The following SHTN1 variants were observed in gnomAD, a reference collection of about 807,000 sequenced individuals.
The protein encoded by SHTN1 is shootin 1.
In SHTN1, 42 loss-of-function variants were observed where a neutral mutation model predicts 83.1. The observed-to-expected ratio is 0.51, with a 90% CI of 0.39 to 0.65. The LOEUF (loss-of-function observed/expected upper bound fraction) is 0.65. Ranked by LOEUF, SHTN1 falls within the 30% of genes least tolerant of loss-of-function variation. The probability of loss-of-function intolerance (pLI) is 0.00; values close to 1 mark genes in which losing one functional copy is unlikely to be tolerated. For missense variants in SHTN1, 622 were observed against 737.8 expected, an observed-to-expected ratio of 0.84 and a Z score of 1.82; for synonymous variants, 224 against 247.7, an observed-to-expected ratio of 0.90 and a Z score of 0.90.
Position 116,899,506 on chromosome 10 carries a change from G to GGTGTGTGTGT in SHTN1, c.1673+2249_1673+2258dup, listed in dbSNP as rs370396879. On this transcript the variant is annotated intron_variant, in intron 16 of 16. Coordinates refer to ENST00000355371, the MANE Select transcript of SHTN1 (RefSeq NM_001127211.3). ...AAGGGAAGTTAGAGTGGCTGGGGCT[G>GGTGTGTGTGT]GTGTGTGTGTGTGTGTGTGTGTGTG... 5.4e-3 allele frequency among the ~76,000 whole-genome samples: 671 copies of GGTGTGTGTGT among 124,554 alleles called. 7 individuals carry two copies. Among genetic ancestry groups the GGTGTGTGTGT allele is most frequent in the African/African-American group, 0.017 (565 of 34,162 alleles). The allele number at this position is 124,554 out of a possible 152,430, so 81.7% of individuals were successfully genotyped here.
chr10:117,049,445 A>G (rs1852711710), intron 1 of SHTN1, among the ~76,000 whole-genome samples: 1 of 152,244 alleles, frequency 6.6e-6, no homozygotes. Context: ...GAGTTTCTAT[A>G]ACAAGGGAGA....
chr10:116,940,066 G>T (rs1392859771), intron 9 of SHTN1, among the ~76,000 whole-genome samples: 1 of 152,086 alleles, frequency 6.6e-6, no homozygotes, highest in East Asian at 1.9e-4. Flanking sequence ...CATTTTCTTT[G>T]AATAAAACCT....
rs537895756 is a variant in SHTN1 at position 116,910,778 on chromosome 10, A to G, written c.1359+1012T>C. On this transcript the variant is annotated intron_variant, in intron 14 of 16. Coordinates refer to ENST00000355371, the MANE Select transcript of SHTN1 (RefSeq NM_001127211.3). ...TTTCTGATCAAAGAATCTATTAGAT[A>G]ATCACCACATGCTTTTTCAATGGCT... 9.2e-5 allele frequency among the ~76,000 whole-genome samples: 14 copies of G among 152,328 alleles called. No individual in the cohort carries two copies. In the South Asian group the frequency reaches 1.2e-3, roughly 14 times the overall value.
chr10:116,987,732 T>G (rs992501965), intron 1 of SHTN1, among the ~76,000 whole-genome samples: 15 of 152,026 alleles, frequency 9.9e-5, no homozygotes, highest in South Asian at 4.2e-4. Context: ...ATGGCCAACA[T>G]AGTGAAACCC....
chr10:116,928,442 G>A (rs533455480), intron 10 of SHTN1, among the ~76,000 whole-genome samples: 72 of 152,236 alleles, frequency 4.7e-4, no homozygotes, highest in African/African-American at 1.5e-3. Flanking sequence ...GAAATGTATC[G>A]TATTCCTTCA....
chr10:116,999,079 T>C (rs764251472), intron 1 of SHTN1, among the ~76,000 whole-genome samples: 15 of 152,098 alleles, frequency 9.9e-5, no homozygotes, highest in Non-Finnish European at 2.2e-4. Flanking sequence ...TCCTCCTACC[T>C]TGGCCTCCCA....
At chr10:117,104,618 C>CA (rs1853646715) in intron 1 of SHTN1, among the ~76,000 whole-genome samples, 1 of 151,990 alleles carries the variant, frequency 6.6e-6, no homozygotes, top group South Asian at 2.1e-4. Flanking sequence ...ACTAAAAGTA[C>CA]AAAAAATTGG....
chr10:117,044,552 T>C (rs564429337), intron 2 of SHTN1, among the ~76,000 whole-genome samples: 1 of 152,298 alleles, frequency 6.6e-6, no homozygotes, highest in African/African-American at 2.4e-5. Flanking sequence ...TCTTGAAATC[T>C]GTGTAGAGTA....
chr10:117,066,043 C>T (rs1168054807), intron 1 of SHTN1, among the ~76,000 whole-genome samples: 1 of 151,378 alleles, frequency 6.6e-6, no homozygotes, highest in South Asian at 2.1e-4. Flanking sequence ...CCAGCCTGGG[C>T]AACATATCAA....
At chr10:116,886,619 T>A in intron 16 of SHTN1, 53 bp from the exon 17 acceptor site, 1 of 1,601,744 alleles carries the variant, frequency 6.2e-7, no homozygotes, top group Non-Finnish European at 8.5e-7. Flanking sequence ...GAGAAAATAG[T>A]TGTCTCTGAT....
At chr10:116,907,672 A>G (rs533452530) in intron 14 of SHTN1, among the ~76,000 whole-genome samples, 53 of 152,334 alleles carry the variant, frequency 3.5e-4, no homozygotes, top group Non-Finnish European at 5.4e-4. Flanking sequence ...ATTATTTCTT[A>G]GAAACGGTCC....
intron 1 of SHTN1, among the ~76,000 whole-genome samples, chr10:117,117,610 C>T (rs1853866649): frequency 6.6e-6 from 1 of 152,120 alleles, no homozygotes; most frequent in Admixed American, 6.5e-5. Flanking sequence ...AAGAACAATA[C>T]TGGAGGCATC....
intron 1 of SHTN1, among the ~76,000 whole-genome samples, chr10:117,098,130 T>C (rs1416073784): frequency 6.6e-6 from 1 of 150,874 alleles, no homozygotes; most frequent in Non-Finnish European, 1.5e-5. Context: ...GGCTCACGCC[T>C]GTAATCCCAG....
intron 1 of SHTN1, among the ~76,000 whole-genome samples, chr10:117,084,896 C>T (rs963914972): frequency 1.2e-4 from 18 of 151,954 alleles, no homozygotes; most frequent in Admixed American, 2.6e-4. Context: ...TGCTTCGGCT[C>T]GCGCACGGTG....
intron 14 of SHTN1, among the ~76,000 whole-genome samples, chr10:116,910,465 T>G (rs1221789882): frequency 6.6e-6 from 1 of 152,198 alleles, no homozygotes; most frequent in Non-Finnish European, 1.5e-5. Context: ...GAATATGGTA[T>G]TTAAGAGTAA....
At position 116,883,156 on chromosome 10, in the gene SHTN1, G is replaced by A. The variant is rs1187399079; in HGVS notation, c.*3188C>T. 1.3e-5 allele frequency: 2 copies of A among 152,088 alleles called. No homozygotes were observed. Among genetic ancestry groups the A allele is most frequent in the African/African-American group, 4.8e-5 (2 of 41,410 alleles). The allele number at this position is 152,088 out of a possible 1,614,324, so 9.4% of individuals were successfully genotyped here. ...GTCAGCAGTGTGACTTCAACACAGAGCAGTTTACTCACCTATCCTCGAGAC... is the reference window on the plus strand; with the variant it reads ...GTCAGCAGTGTGACTTCAACACAGAACAGTTTACTCACCTATCCTCGAGAC... On this transcript the variant is annotated 3_prime_UTR_variant, in exon 17 of 17. Coordinates refer to ENST00000355371, the MANE Select transcript of SHTN1 (RefSeq NM_001127211.3).
chr10:117,043,584 T>G (rs1041159091), intron 2 of SHTN1, among the ~76,000 whole-genome samples: 3 of 152,210 alleles, frequency 2.0e-5, no homozygotes, highest in African/African-American at 7.2e-5. Flanking sequence ...CTCATGCCTG[T>G]AATCCCAGCA....
chr10:116,992,538 C>A (rs1023905022), intron 1 of SHTN1, among the ~76,000 whole-genome samples: 1 of 152,174 alleles, frequency 6.6e-6, no homozygotes, highest in African/African-American at 2.4e-5. Flanking sequence ...ATACTAATTA[C>A]CCTAGGCCTC....
At chr10:116,927,403 T>C (rs1179763226) in intron 11 of SHTN1, among the ~76,000 whole-genome samples, 1 of 152,154 alleles carries the variant, frequency 6.6e-6, no homozygotes, top group African/African-American at 2.4e-5. Flanking sequence ...GACTCACAGT[T>C]CCACATGGCT....
Sources: gnomAD v4.1 joint callset for allele counts (sites outside exome capture counted in the v4.1 genomes callset) on GRCh38, gnomAD v4.1.1 for gene constraint, MANE v1.5 for transcripts, NCBI Gene and HGNC (gene_info 2026-07-23, HGNC 2026-07-21) for gene names.